Variants in ASB13 observed in about 807,000 individuals in gnomAD.
The protein encoded by ASB13 is ankyrin repeat and SOCS box containing 13, also known as ankyrin repeat and SOCS box protein 13.
A neutral mutation model predicts 28.8 loss-of-function variants in ASB13; 33 were observed. The ratio of observed to expected loss-of-function variants is 1.15; its 90% CI spans 0.87 to 1.53. The LOEUF (loss-of-function observed/expected upper bound fraction) is 1.53, where lower values mean the gene tolerates loss of function less well. ASB13 is among the 40% of genes most tolerant of loss of function. The pLI is 0.00. For synonymous variants in ASB13, 182 were observed against 172.9 expected (o/e 1.05, Z -0.41); for missense variants, 414 against 390.1 (o/e 1.06, Z -0.52).
At chr10:5,653,499 T>G (rs920461716) in intron 1 of ASB13, among the ~76,000 whole-genome samples, 21 of 152,332 alleles carry the variant, frequency 1.4e-4, no homozygotes, top group Admixed American at 9.8e-4. Flanking sequence ...GCACACACGC[T>G]CAGACCCCTG....
Position 5,662,566 on chromosome 10 carries a change from G to GAGAAC in ASB13, c.43+3942_43+3943insGTTCT, listed in dbSNP as rs758679798. ...GAGGGGAGGGGAGGGGAGGGGAGGG[G>GAGAAC]AGAAGAGAAGAGAAGAGAAGAGAAG... On this transcript the variant is annotated intron_variant, in intron 1 of 5. Coordinates refer to ENST00000357700, the MANE Select transcript of ASB13 (RefSeq NM_024701.4). Among the ~76,000 whole-genome samples, 15 of 36,616 alleles carry GAGAAC rather than the reference G, an allele frequency of 4.1e-4. 4 individuals carry two copies. The highest frequency in any genetic ancestry group is 7.5e-4 in the Non-Finnish European group (13 of 17,304). The allele number at this position is 36,616 out of a possible 152,430, so 24.0% of individuals were successfully genotyped here.
In ASB13 at chr10:5,656,174, G is replaced by C. The variant is rs956709170; in HGVS notation, c.44-3124C>G. Among the ~76,000 whole-genome samples, 3 of 152,190 alleles carry C rather than the reference G, an allele frequency of 2.0e-5. No individual in the cohort carries two copies. The highest frequency in any genetic ancestry group is 4.4e-5 in the Non-Finnish European group (3 of 68,046). On this transcript the variant is annotated intron_variant, in intron 1 of 5. Transcript: ENST00000357700. The surrounding 1 kb of genome is among the most constrained non-coding windows in gnomAD (Gnocchi z 4.3). Reference sequence around the variant, plus strand: ...CCCAGAACCTGGCACTGTCCAAGAAGATGCTGGTATCCACGTGGTTGCTCA... The same window carrying C: ...CCCAGAACCTGGCACTGTCCAAGAACATGCTGGTATCCACGTGGTTGCTCA...
At position 5,663,084 on chromosome 10, in the gene ASB13, T is replaced by A. The variant is rs1184831446; in HGVS notation, c.43+3425A>T. 6.6e-6 allele frequency among the ~76,000 whole-genome samples: 1 copy of A among 152,174 alleles called. No homozygotes were observed. Among genetic ancestry groups the A allele is most frequent in the Non-Finnish European group, 1.5e-5 (1 of 68,038 alleles). Reference sequence around the variant, plus strand: ...CCAAAATATAGTTTGTCGGTAAACTTGAGGTCAAACAGCAGACTGATTTTA... The same window carrying A: ...CCAAAATATAGTTTGTCGGTAAACTAGAGGTCAAACAGCAGACTGATTTTA... On this transcript the variant is annotated intron_variant, in intron 1 of 5. Coordinates refer to ENST00000357700, the MANE Select transcript of ASB13 (RefSeq NM_024701.4). The surrounding 1 kb of genome is among the most constrained non-coding windows in gnomAD (Gnocchi z 4.9).
rs1328725302 is a variant in ASB13, at chr10:5,661,333, C to T, written c.43+5176G>A. On this transcript the variant is annotated intron_variant, in intron 1 of 5. Transcript: ENST00000357700. The surrounding 1 kb of genome is among the most constrained non-coding windows in gnomAD (Gnocchi z 4.9). ...GAGCCACTTGCCCCCAACCCCGCCC[C>T]GCCGAGCCTGGGGCCTCTCCAGGGT... is the stretch of plus-strand genomic sequence containing the variant. Among the ~76,000 whole-genome samples, 3 of 152,210 alleles carry T rather than the reference C, an allele frequency of 2.0e-5. No individual in the cohort carries two copies. The highest frequency in any genetic ancestry group is 2.1e-4 in the South Asian group (1 of 4,836).
rs1835085125 is a variant in ASB13, at chr10:5,656,977, T to C, written c.44-3927A>G. Among the ~76,000 whole-genome samples the C allele has an allele frequency of 2.0e-5, 3 of 152,204 alleles. No individual in the cohort carries two copies. Among genetic ancestry groups the C allele is most frequent in the African/African-American group, 7.2e-5 (3 of 41,454 alleles). On this transcript the variant is annotated intron_variant, in intron 1 of 5. Coordinates refer to ENST00000357700, the MANE Select transcript of ASB13 (RefSeq NM_024701.4). This position sits in a 1 kb window ranked among gnomAD's most constrained non-coding sequence, Gnocchi z 4.3. ...CTCTCCAGATAAACCTGCCACCAAC[T>C]CTTGTCTCTCGTATTTGGCTTTTGA...
chr10:5,647,633 C>T (rs1834905633), intron 4 of ASB13, among the ~76,000 whole-genome samples: 1 of 152,180 alleles, frequency 6.6e-6, no homozygotes, highest in Non-Finnish European at 1.5e-5. Flanking sequence ...CCTGTGATCT[C>T]TAGAAATAAT....
At position 5,655,975 on chromosome 10, in the gene ASB13, T is replaced by C. The variant is rs1835067078; in HGVS notation, c.44-2925A>G. ...AGATGCAGCAATAGGCAGCTCACAG[T>C]CAGGGACCAGGGAATAAATGCGCAG... On this transcript the variant is annotated intron_variant, in intron 1 of 5. Coordinates refer to ENST00000357700, the MANE Select transcript of ASB13 (RefSeq NM_024701.4). The surrounding 1 kb of genome is among the most constrained non-coding windows in gnomAD (Gnocchi z 6.2). Among the ~76,000 whole-genome samples, 1 of 152,136 alleles carries C rather than the reference T, an allele frequency of 6.6e-6. No homozygotes were observed. Among genetic ancestry groups the C allele is most frequent in the Admixed American group, 6.5e-5 (1 of 15,270 alleles).
Position 5,656,128 on chromosome 10 carries a change from A to G in ASB13, c.44-3078T>C, listed in dbSNP as rs759308358. Among the ~76,000 whole-genome samples the G allele has an allele frequency of 3.3e-5, 5 of 152,216 alleles. No homozygotes were observed. The highest frequency in any genetic ancestry group is 5.9e-5 in the Non-Finnish European group (4 of 68,032). On this transcript the variant is annotated intron_variant, in intron 1 of 5. Transcript: ENST00000357700. The surrounding 1 kb of genome is among the most constrained non-coding windows in gnomAD (Gnocchi z 4.3). ...AGCTGCAGCCGGGTCTATCTCAGGC[A>G]CCGCTTATTCACCTCTGTACCCCAG... is the stretch of plus-strand genomic sequence containing the variant.
intron 1 of ASB13, 116 bp downstream of exon 1, chr10:5,666,393 C>A: frequency 1.1e-6 from 1 of 945,568 alleles, no homozygotes; most frequent in East Asian, 4.3e-5. Flanking sequence ...CGCCCCCGCC[C>A]ACGGAGCCAG....
chr10:5,653,203 C>T (rs1835017772), intron 1 of ASB13, among the ~76,000 whole-genome samples, 153 bp from the exon 2 acceptor site: 1 of 152,224 alleles, frequency 6.6e-6, no homozygotes. Context: ...TGAGCCACCC[C>T]CACTGCCTGA....
chr10:5,645,544 C>A lies in ASB13; in HGVS notation c.517+3426G>T, dbSNP rs1428001686. ...CTACAAAGAACAAGAACAACGGTCT[C>A]CACGTCCCCCGTGGGGTGCAACGTG... On this transcript the variant is annotated intron_variant, in intron 4 of 5. Coordinates refer to ENST00000357700, the MANE Select transcript of ASB13 (RefSeq NM_024701.4). This position sits in a 1 kb window ranked among gnomAD's most constrained non-coding sequence, Gnocchi z 5.4. Among the ~76,000 whole-genome samples the A allele has an allele frequency of 6.6e-6, 1 of 152,182 alleles. No individual in the cohort carries two copies. Among genetic ancestry groups the A allele is most frequent in the African/African-American group, 2.4e-5 (1 of 41,442 alleles).
Position 5,640,663 on chromosome 10 carries a change from G to A in ASB13, c.*40C>T, listed in dbSNP as rs1373639253. The A allele has an allele frequency of 1.9e-6, 3 of 1,612,646 alleles. No homozygotes were observed. In the Admixed American group the frequency reaches 5.0e-5, roughly 27 times the overall value. On this transcript the variant is annotated 3_prime_UTR_variant, in exon 6 of 6. Coordinates refer to ENST00000357700, the MANE Select transcript of ASB13 (RefSeq NM_024701.4). ...AGAGCCCTCACCCGGGCAATGCTGG[G>A]CACAACGGGGGCAGCCACGGTCCGG... is the stretch of plus-strand genomic sequence containing the variant.
At chr10:5,653,185 A>C in intron 1 of ASB13, 135 bp from the exon 2 acceptor site, 1 of 983,238 alleles carries the variant, frequency 1.0e-6, no homozygotes, top group Non-Finnish European at 1.5e-6. Flanking sequence ...CACTTCTACA[A>C]AGATCCCTGA....
Position 5,640,378 on chromosome 10 carries a change from C to T in ASB13, c.*325G>A, listed in dbSNP as rs184339126. 94 of 220,200 alleles carry T rather than the reference C, an allele frequency of 4.3e-4. No individual in the cohort carries two copies. The Middle Eastern group carries it at 8.5e-3, about 20-fold the overall frequency. 13.6% of individuals were successfully genotyped at this position (220,200 alleles called of 1,614,324 possible). A position where few individuals can be genotyped will look rare whatever the true frequency, so the allele number is the denominator to read the frequency against. ...CTGCCAGCCTCCTCTGTGCTCCCCA[C>T]GCCGTCTGTCCTGAGAGTGCCTTTG... is the stretch of plus-strand genomic sequence containing the variant. On this transcript the variant is annotated 3_prime_UTR_variant, in exon 6 of 6. Transcript: ENST00000357700.
In ASB13 at chr10:5,642,061, A is replaced by G; in HGVS notation, c.518-100T>C. 1.7e-6 allele frequency: 2 copies of G among 1,158,920 alleles called. No individual in the cohort carries two copies. Among genetic ancestry groups the G allele is most frequent in the African/African-American group, 1.5e-5 (1 of 66,058 alleles). The allele number at this position is 1,158,920 out of a possible 1,614,324, so 71.8% of individuals were successfully genotyped here. A position where few individuals can be genotyped will look rare whatever the true frequency, so the allele number is the denominator to read the frequency against. On this transcript the variant is annotated intron_variant, in intron 4 of 5. Transcript: ENST00000357700. This position sits in a 1 kb window ranked among gnomAD's most constrained non-coding sequence, Gnocchi z 4.1. The stretch of plus-strand genomic sequence containing the variant: ...GTCACACAGCACGGTGGCAGAAGCA[A>G]TCCCCACCCAGAAGACAAAATCAGG...
chr10:5,653,784 C>T (rs1202697199), intron 1 of ASB13, among the ~76,000 whole-genome samples: 1 of 152,076 alleles, frequency 6.6e-6, no homozygotes, highest in Admixed American at 6.5e-5. Flanking sequence ...CGGGTTCAAG[C>T]GATTCTCCTG....
intron 1 of ASB13, among the ~76,000 whole-genome samples, chr10:5,654,085 G>A (rs1331255777): frequency 6.6e-6 from 1 of 151,708 alleles, no homozygotes; most frequent in African/African-American, 2.4e-5. Context: ...CTAGTCTCGG[G>A]GGAGAGCATT....
Position 5,652,026 on chromosome 10 carries a change from C to CACACACACACACACA in ASB13, c.232-664_232-663insTGTGTGTGTGTGTGT, listed in dbSNP as rs60821267. Among the ~76,000 whole-genome samples the CACACACACACACACA allele has an allele frequency of 1.9e-4, 11 of 59,138 alleles. No homozygotes were observed. Among genetic ancestry groups the CACACACACACACACA allele is most frequent in the African/African-American group, 6.5e-4 (9 of 13,950 alleles). The allele number at this position is 59,138 out of a possible 152,430, so 38.8% of individuals were successfully genotyped here. On this transcript the variant is annotated intron_variant, in intron 2 of 5. Coordinates refer to ENST00000357700, the MANE Select transcript of ASB13 (RefSeq NM_024701.4). This position sits in a 1 kb window ranked among gnomAD's most constrained non-coding sequence, Gnocchi z 5.0. ...CAAAAAAAAAAAAAAAAAAAAAAAACCACACACACACACACACACACACAC... is the reference window on the plus strand; with the variant it reads ...CAAAAAAAAAAAAAAAAAAAAAAAACACACACACACACACACACACACACACACACACACACACAC...
In ASB13 at chr10:5,651,556, A is replaced by G. The variant is rs1396293387; in HGVS notation, c.232-193T>C. 1.7e-6 allele frequency: 1 copy of G among 588,652 alleles called. No individual in the cohort carries two copies. The highest frequency in any genetic ancestry group is 3.2e-5 in the East Asian group (1 of 31,488). 36.5% of individuals were successfully genotyped at this position (588,652 alleles called of 1,614,324 possible). A position where few individuals can be genotyped will look rare whatever the true frequency, so the allele number is the denominator to read the frequency against. On this transcript the variant is annotated intron_variant, in intron 2 of 5. Coordinates refer to ENST00000357700, the MANE Select transcript of ASB13 (RefSeq NM_024701.4). The surrounding 1 kb of genome is among the most constrained non-coding windows in gnomAD (Gnocchi z 5.1). Reference sequence around the variant, plus strand: ...GCACCGACGGCCTCCTGAGTAGAGAAGTCATCTCGTTCAGGATTCTTTTCT... The same window carrying G: ...GCACCGACGGCCTCCTGAGTAGAGAGGTCATCTCGTTCAGGATTCTTTTCT...
Sources: allele counts gnomAD v4.1 joint callset (sites outside exome capture counted in the v4.1 genomes callset), GRCh38; gene constraint gnomAD v4.1.1; non-coding constraint Gnocchi (gnomAD v3.1); transcripts MANE v1.5; gene names NCBI Gene and HGNC (gene_info 2026-07-23, HGNC 2026-07-21).